CIROP: variants seen among roughly 807,000 people sequenced by gnomAD.
The protein encoded by CIROP is ciliated left-right organizer metallopeptidase.
At chr14:23,101,512 T>C in the CIROP span, 2 of 635,006 alleles carry the variant, frequency 3.1e-6, no homozygotes, top group Non-Finnish European at 5.7e-6. Context: ...GATCTCCCCA[T>C]GGGGATTATC....
the CIROP span, chr14:23,103,087 G>C: frequency 4.4e-3 from 2,063 of 467,314 alleles, 68 homozygotes; most frequent in East Asian, 0.05. Context: ...GGCCAGAAAG[G>C]AGAAAAATAG....
the CIROP span, chr14:23,103,919 T>C: frequency 1.6e-6 from 1 of 611,662 alleles, no homozygotes; most frequent in Non-Finnish European, 2.9e-6. Context: ...TGTCTTTGTG[T>C]TATCTAGGCA....
chr14:23,103,934 G>T, the CIROP span: 6 of 604,122 alleles, frequency 9.9e-6, no homozygotes, highest in Admixed American at 1.4e-4. Context: ...TAGGCAGCTG[G>T]CTAGAATAGA....
the CIROP span, chr14:23,104,907 A>AGCAGCAGCAGCG: frequency 3.3e-4 from 30 of 91,086 alleles, no homozygotes; most frequent in Admixed American, 9.4e-4. Context: ...CAGCAGCAGC[A>AGCAGCAGCAGCG]GCAGCAGCAG....
the CIROP span, chr14:23,099,685 G>C: frequency 2.8e-6 from 1 of 356,814 alleles, no homozygotes; most frequent in East Asian, 4.3e-5. Context: ...TCAACCTTCC[G>C]AATAGCTGGG....
chr14:23,100,635 C>T, the CIROP span: 11 of 399,496 alleles, frequency 2.8e-5, no homozygotes, highest in East Asian at 3.2e-4. Context: ...CACATATGCA[C>T]AGTAAACACC....
the CIROP span, chr14:23,099,252 T>C: frequency 7.3e-6 from 3 of 413,366 alleles, no homozygotes; most frequent in African/African-American, 2.1e-5. Flanking sequence ...ATTATTCTCT[T>C]CCTTACCCCC....
At chr14:23,103,721 A>ACTCGCACTGATTTTCTC in the CIROP span, 1 of 703,088 alleles carries the variant, frequency 1.4e-6, no homozygotes, top group Non-Finnish European at 2.6e-6. Context: ...ATACAGGAGA[A>ACTCGCACTGATTTTCTC]AATCAGTGTT....
chr14:23,103,607 C>T, the CIROP span: 2 of 641,640 alleles, frequency 3.1e-6, no homozygotes, highest in Non-Finnish European at 5.6e-6. Context: ...TTTATGCTCC[C>T]TAACCCTCCT....
chr14:23,103,921 A>G, the CIROP span: 1 of 610,396 alleles, frequency 1.6e-6, no homozygotes, highest in Non-Finnish European at 2.9e-6. Flanking sequence ...TCTTTGTGTT[A>G]TCTAGGCAGC....
chr14:23,101,185 T>C, the CIROP span: 1 of 412,520 alleles, frequency 2.4e-6, no homozygotes, highest in Non-Finnish European at 4.3e-6. Context: ...AGTGGGTACT[T>C]AGGAAAACTG....
At chr14:23,100,816 C>T in the CIROP span, 1 of 398,870 alleles carries the variant, frequency 2.5e-6, no homozygotes, top group African/African-American at 2.1e-5. Context: ...TAGGGATTCT[C>T]CTTGGCCCAT....
the CIROP span, chr14:23,103,746 C>T: frequency 1.4e-6 from 1 of 702,912 alleles, no homozygotes. Flanking sequence ...ACCCCAGGCC[C>T]ATCTGGCTGG....
At chr14:23,102,859 A>G in the CIROP span, 2 of 624,650 alleles carry the variant, frequency 3.2e-6, no homozygotes, top group Non-Finnish European at 5.8e-6. Context: ...CTTAATGGGA[A>G]ACTGAGTAAC....
At chr14:23,102,373 C>T in the CIROP span, 1 of 702,620 alleles carries the variant, frequency 1.4e-6, no homozygotes, top group Non-Finnish European at 2.6e-6. Context: ...CCCAGGGAAG[C>T]CCCCGACACT....
At chr14:23,103,056 G>C in the CIROP span, 1 of 536,812 alleles carries the variant, frequency 1.9e-6, no homozygotes, top group Non-Finnish European at 3.3e-6. Flanking sequence ...AGAGGGCTGT[G>C]GATGGGCCAG....
chr14:23,103,952 C>T, the CIROP span: 2 of 592,520 alleles, frequency 3.4e-6, no homozygotes, highest in East Asian at 2.8e-5. Flanking sequence ...AGAGTTCTGC[C>T]CCTTCACCCC....
the CIROP span, chr14:23,101,865 G>A: frequency 4.3e-6 from 3 of 702,714 alleles, no homozygotes; most frequent in South Asian, 4.4e-5. Flanking sequence ...AGAAGTCTGA[G>A]GAGCCAGTCC....
chr14:23,103,171 C>T, the CIROP span: 1 of 431,096 alleles, frequency 2.3e-6, no homozygotes, highest in Non-Finnish European at 4.1e-6. Context: ...GGAGTGGTAT[C>T]AAGGGATGGC....
Sources: allele counts gnomAD v4.1 joint callset, GRCh38; gene constraint gnomAD v4.1.1; transcripts MANE v1.5; gene names NCBI Gene and HGNC (gene_info 2026-07-23, HGNC 2026-07-21).